The following PRKCB variants were observed in gnomAD, a reference collection of about 807,000 sequenced individuals.
PRKCB encodes protein kinase C beta type.
A neutral mutation model predicts 81.5 loss-of-function variants in PRKCB; 13 were observed. The ratio of observed to expected loss-of-function variants is 0.16; its 90% CI spans 0.10 to 0.25. The LOEUF (loss-of-function observed/expected upper bound fraction) is 0.25, where lower values mean the gene tolerates loss of function less well. PRKCB is among the 10% of genes least tolerant of loss of function. The pLI is 1.00. For missense variants in PRKCB, 509 were observed against 875.7 expected, an observed-to-expected ratio of 0.58 and a Z score of 5.29; for synonymous variants, 335 against 321.4, an observed-to-expected ratio of 1.04 and a Z score of -0.45.
chr16:24,123,926 T>C lies in PRKCB; in HGVS notation c.1010T>C (p.Met337Thr). ...KFDNNGNRDR[M>T]KLTDFNFLMV... Reference sequence around the variant, plus strand: ...GACAACAATGGCAACAGAGACCGGATGAAACTGACCGATTTTAACTTCCTA... The same window carrying C: ...GACAACAATGGCAACAGAGACCGGACGAAACTGACCGATTTTAACTTCCTA... Residue 337 changes from methionine (M) to threonine (T), a missense_variant, in exon 9 of 17, where the codon ATG becomes ACG. Transcript: ENST00000643927. The C allele has an allele frequency of 6.2e-7, 1 of 1,614,152 alleles. No individual in the cohort carries two copies. Among genetic ancestry groups the C allele is most frequent in the Non-Finnish European group, 8.5e-7 (1 of 1,180,024 alleles).
chr16:24,031,878 T>G, intron 3 of PRKCB: 1 of 308,698 alleles, frequency 3.2e-6, no homozygotes, highest in Non-Finnish European at 6.0e-6. Flanking sequence ...CAGGCCCAGA[T>G]GGAGGGTTTG....
chr16:24,043,177 T>G (rs1965723982), intron 5 of PRKCB, among the ~76,000 whole-genome samples: 1 of 152,240 alleles, frequency 6.6e-6, no homozygotes, highest in African/African-American at 2.4e-5. Flanking sequence ...AATGCCTTTA[T>G]GTCCCCACAC....
intron 2 of PRKCB, among the ~76,000 whole-genome samples, chr16:23,986,127 AG>A (rs1175560900): frequency 1.3e-5 from 2 of 152,218 alleles, no homozygotes; most frequent in East Asian, 3.9e-4. Flanking sequence ...AACTCCAAAG[AG>A]TAATATTTAT....
At chr16:24,045,630 T>A (rs1596526499) in intron 5 of PRKCB, among the ~76,000 whole-genome samples, 1 of 152,032 alleles carries the variant, frequency 6.6e-6, no homozygotes, top group Non-Finnish European at 1.5e-5. Flanking sequence ...TTTCCAGAAA[T>A]CACTGTGGGC....
At chr16:24,189,370 G>C (rs1567406982) in intron 15 of PRKCB, among the ~76,000 whole-genome samples, 1 of 152,144 alleles carries the variant, frequency 6.6e-6, no homozygotes, top group South Asian at 2.1e-4. Context: ...TCGGCGCGGT[G>C]GCTCTTGCCT....
At chr16:23,996,237 T>C (rs533098956) in intron 3 of PRKCB, among the ~76,000 whole-genome samples, 1 of 152,240 alleles carries the variant, frequency 6.6e-6, no homozygotes, top group East Asian at 1.9e-4. Flanking sequence ...AGAGGAGGAT[T>C]TTAATAATTG....
intron 10 of PRKCB, among the ~76,000 whole-genome samples, chr16:24,166,890 A>G (rs1189178126): frequency 6.6e-6 from 1 of 152,158 alleles, no homozygotes; most frequent in Non-Finnish European, 1.5e-5. Flanking sequence ...GGTTAGCGGT[A>G]GAAACATACC....
intron 16 of PRKCB, among the ~76,000 whole-genome samples, chr16:24,202,652 A>T (rs78897939): frequency 1.3e-5 from 2 of 152,178 alleles, no homozygotes; most frequent in African/African-American, 4.8e-5. Flanking sequence ...AGATGTGTTC[A>T]GGCCCAGAAA....
At chr16:24,119,600 G>GGTAGT (rs10680729) in intron 8 of PRKCB, among the ~76,000 whole-genome samples, 1 of 151,432 alleles carries the variant, frequency 6.6e-6, no homozygotes, top group African/African-American at 2.4e-5. Flanking sequence ...AAGGTGATGG[G>GGTAGT]GCAGCAGGGA....
At position 23,900,718 on chromosome 16, in the gene PRKCB, G is replaced by GTT. The variant is rs56897816; in HGVS notation, c.205+63343_205+63344dup. On this transcript the variant is annotated intron_variant, in intron 2 of 16. Transcript: ENST00000643927. ...CTCATTCATTTTAACAGCTGCACAG[G>GTT]TTTTTTTTTTTTTTTTTTTTTTTTT... Among the ~76,000 whole-genome samples, 297 of 62,266 alleles carry GTT rather than the reference G, an allele frequency of 4.8e-3. 28 individuals carry two copies. Among genetic ancestry groups the GTT allele is most frequent in the East Asian group, 9.4e-3 (16 of 1,710 alleles). 40.8% of individuals were successfully genotyped at this position (62,266 alleles called of 152,430 possible). A position where few individuals can be genotyped will look rare whatever the true frequency, so the allele number is the denominator to read the frequency against.
chr16:23,883,345 G>T (rs918350646), intron 2 of PRKCB, among the ~76,000 whole-genome samples: 1 of 152,104 alleles, frequency 6.6e-6, no homozygotes, highest in Non-Finnish European at 1.5e-5. Flanking sequence ...ACCATTCTGG[G>T]CCCTGGGATG....
intron 5 of PRKCB, among the ~76,000 whole-genome samples, chr16:24,072,526 A>G (rs1022090998): frequency 3.3e-5 from 5 of 151,906 alleles, no homozygotes; most frequent in African/African-American, 1.2e-4. Flanking sequence ...TTGGGATTAC[A>G]GGTGTAAGCC....
chr16:24,044,841 G>A (rs753554069), intron 5 of PRKCB, among the ~76,000 whole-genome samples: 1 of 152,192 alleles, frequency 6.6e-6, no homozygotes, highest in South Asian at 2.1e-4. Context: ...TAAGTGAAAG[G>A]GTTAGGTTGC....
In PRKCB at chr16:23,953,692, A is replaced by ACATTCATT. The variant is rs376772797; in HGVS notation, c.206-34799_206-34792dup. Among the ~76,000 whole-genome samples the ACATTCATT allele has an allele frequency of 2.0e-5, 3 of 152,320 alleles. No individual in the cohort carries two copies. The East Asian group carries it at 5.8e-4, about 29-fold the overall frequency. ...GCAACAGGAGATGTAATGCGTGAGC[A>ACATTCATT]CATTCATTCATTCATTCATTCATTT... On this transcript the variant is annotated intron_variant, in intron 2 of 16. Coordinates refer to ENST00000643927, the MANE Select transcript of PRKCB (RefSeq NM_002738.7).
At chr16:24,141,167 G>C (rs575120076) in intron 9 of PRKCB, among the ~76,000 whole-genome samples, 20 of 152,168 alleles carry the variant, frequency 1.3e-4, no homozygotes, top group Non-Finnish European at 2.5e-4. Flanking sequence ...CCAACCTGCT[G>C]TGAGACCTCT....
At chr16:23,959,894 G>T (rs955186727) in intron 2 of PRKCB, among the ~76,000 whole-genome samples, 1 of 152,204 alleles carries the variant, frequency 6.6e-6, no homozygotes, top group Non-Finnish European at 1.5e-5. Flanking sequence ...ACACTGATGT[G>T]CAGGAAATGA....
At chr16:23,855,354 T>G (rs1284120003) in intron 2 of PRKCB, among the ~76,000 whole-genome samples, 2 of 152,138 alleles carry the variant, frequency 1.3e-5, no homozygotes, top group African/African-American at 4.8e-5. Context: ...TTCAGTTTCT[T>G]TGTCTGTGAA....
intron 2 of PRKCB, chr16:23,869,272 C>G: frequency 3.0e-6 from 1 of 332,578 alleles, no homozygotes; most frequent in Non-Finnish European, 6.2e-6. Flanking sequence ...AGGGCTGTTG[C>G]CTCAGCTGCG....
intron 2 of PRKCB, among the ~76,000 whole-genome samples, chr16:23,898,627 A>G (rs1963418084): frequency 6.6e-6 from 1 of 152,224 alleles, no homozygotes; most frequent in Admixed American, 6.5e-5. Context: ...GACAAAATGA[A>G]GTTTAAACAA....
Sources: gnomAD v4.1 joint callset for allele counts (sites outside exome capture counted in the v4.1 genomes callset) on GRCh38, gnomAD v4.1.1 for gene constraint, MANE v1.5 for transcripts, NCBI Gene and HGNC (gene_info 2026-07-23, HGNC 2026-07-21) for gene names.